Variants in RAP1GAP2 observed in about 807,000 individuals in gnomAD.
RAP1GAP2 encodes RAP1 GTPase activating protein 2, also known as rap1 GTPase-activating protein 2.
RAP1GAP2 carries 27 observed loss-of-function variants against 95.0 expected under a neutral mutation model. That is an observed-to-expected ratio of 0.28 (90% CI 0.21 to 0.39). The LOEUF is 0.39. RAP1GAP2 is among the 10% of genes least tolerant of loss of function. The pLI is 1.00. For missense variants in RAP1GAP2, 771 were observed against 970.0 expected (o/e 0.79, Z 2.72); for synonymous variants, 373 against 380.9 (o/e 0.98, Z 0.24).
chr17:2,869,722 C>A (rs565715342), intron 2 of RAP1GAP2, among the ~76,000 whole-genome samples: 1 of 152,314 alleles, frequency 6.6e-6, no homozygotes, highest in South Asian at 2.1e-4. Flanking sequence ...GGTCAGGTCC[C>A]GGGAGCAGGT....
intron 17 of RAP1GAP2, among the ~76,000 whole-genome samples, chr17:3,012,733 A>G (rs1426316512): frequency 6.6e-6 from 1 of 151,536 alleles, no homozygotes; most frequent in East Asian, 1.9e-4. Flanking sequence ...CCATGGGGCC[A>G]CTGGGGTTGG....
chr17:2,882,149 T>C (rs1352806819), intron 2 of RAP1GAP2, among the ~76,000 whole-genome samples: 6 of 143,926 alleles, frequency 4.2e-5, no homozygotes, highest in African/African-American at 1.6e-4. Context: ...AATTTTGAGA[T>C]GTAGTCTCAC....
At chr17:2,868,912 T>G (rs560656393) in intron 2 of RAP1GAP2, among the ~76,000 whole-genome samples, 14 of 152,104 alleles carry the variant, frequency 9.2e-5, no homozygotes, top group Non-Finnish European at 1.5e-4. Context: ...AACATTTACT[T>G]CTCCCACTTC....
chr17:2,924,983 C>T (rs919328048), intron 3 of RAP1GAP2, among the ~76,000 whole-genome samples: 1 of 152,166 alleles, frequency 6.6e-6, no homozygotes, highest in African/African-American at 2.4e-5. Flanking sequence ...GGTGAGATCC[C>T]CAATGGTGCC....
rs1567659421 is a variant in RAP1GAP2, at chr17:2,800,605, CG to C, written c.80+58del. 2.5e-6 allele frequency: 4 copies of C among 1,569,374 alleles called. No individual in the cohort carries two copies. The East Asian group carries it at 9.2e-5, about 36-fold the overall frequency. ...TCAGAGATGACGCGGATCAGAGCGCCGGGCCCTTGCTCCCCCCAGGTTGTGG... is the reference window on the plus strand; with the variant it reads ...TCAGAGATGACGCGGATCAGAGCGCCGGCCCTTGCTCCCCCCAGGTTGTGG... On this transcript the variant is annotated intron_variant, in intron 2 of 24. Transcript: ENST00000254695.
intron 3 of RAP1GAP2, among the ~76,000 whole-genome samples, chr17:2,944,468 G>T (rs1269794744): frequency 1.3e-5 from 2 of 152,094 alleles, no homozygotes; most frequent in Non-Finnish European, 2.9e-5. Flanking sequence ...TTTATCTCTG[G>T]ACTCTTAATT....
rs541599439 is a variant in RAP1GAP2 at position 2,941,177 on chromosome 17, G to T, written c.166-16582G>T. 5.3e-3 allele frequency among the ~76,000 whole-genome samples: 803 copies of T among 152,306 alleles called. 3 individuals carry two copies. Among genetic ancestry groups the T allele is most frequent in the Middle Eastern group, 0.01 (3 of 294 alleles). ...AGCACTTTGGGAGGCCGAAGCGGGT[G>T]GATCACTTGAGGTCAGGAGTCTGAG... is the stretch of plus-strand genomic sequence containing the variant. On this transcript the variant is annotated intron_variant, in intron 3 of 24. Coordinates refer to ENST00000254695, the MANE Select transcript of RAP1GAP2 (RefSeq NM_015085.5).
At chr17:2,949,873 C>T (rs997149032) in intron 3 of RAP1GAP2, among the ~76,000 whole-genome samples, 18 of 152,154 alleles carry the variant, frequency 1.2e-4, no homozygotes, top group African/African-American at 2.9e-4. Context: ...GAAGTGGGGC[C>T]GGCCCAGCCA....
chr17:2,916,025 G>A (rs1360258281), intron 3 of RAP1GAP2, among the ~76,000 whole-genome samples: 3 of 152,098 alleles, frequency 2.0e-5, no homozygotes, highest in African/African-American at 7.2e-5. Context: ...TTAGCTCTAG[G>A]TCTAGGATAA....
chr17:3,006,126 T>C, intron 16 of RAP1GAP2, 85 bp downstream of exon 16: 1 of 918,028 alleles, frequency 1.1e-6, no homozygotes, highest in Non-Finnish European at 1.6e-6. Context: ...CCATCTTTTT[T>C]TTTTTTTTTT....
chr17:2,946,657 A>C (rs1463256560), intron 3 of RAP1GAP2, among the ~76,000 whole-genome samples: 2 of 152,228 alleles, frequency 1.3e-5, no homozygotes, highest in Non-Finnish European at 2.9e-5. Flanking sequence ...GCAGCATTCA[A>C]CATGATGAAC....
chr17:2,874,360 C>T (rs1362729123), intron 2 of RAP1GAP2, among the ~76,000 whole-genome samples: 1 of 152,090 alleles, frequency 6.6e-6, no homozygotes, highest in Non-Finnish European at 1.5e-5. Flanking sequence ...ATTCATAGCT[C>T]TTATCTAGGG....
chr17:2,969,496 C>CTTGTTTTTTTTTTTTTT (rs2044762647), intron 8 of RAP1GAP2, among the ~76,000 whole-genome samples: 1 of 83,776 alleles, frequency 1.2e-5, no homozygotes, highest in African/African-American at 4.6e-5. Flanking sequence ...TATATATATT[C>CTTGTTTTTTTTTTTTTT]TTTTTTTTTT....
upstream of RAP1GAP2, among the ~76,000 whole-genome samples, chr17:2,794,400 T>A (rs559607507): frequency 5.1e-4 from 78 of 152,270 alleles, no homozygotes; most frequent in South Asian, 2.1e-3. Context: ...CCACGGTACC[T>A]GTTGAGCACT....
intron 2 of RAP1GAP2, among the ~76,000 whole-genome samples, chr17:2,887,597 A>T (rs1299128578): frequency 2.0e-5 from 3 of 149,912 alleles, no homozygotes; most frequent in Non-Finnish European, 4.4e-5. Context: ...CTGGTCTCGA[A>T]CTCCTGACCT....
chr17:2,785,970 C>T (rs9944498), intron 1 of RAP1GAP2, among the ~76,000 whole-genome samples: 1,639 of 145,708 alleles, frequency 0.011, 26 homozygotes, highest in African/African-American at 0.039. Context: ...GGTCAGATCT[C>T]GGCTCACCGC....
chr17:2,985,185 G>A (rs2045511298), intron 11 of RAP1GAP2, 119 bp downstream of exon 11: 7 of 1,513,296 alleles, frequency 4.6e-6, no homozygotes, highest in East Asian at 2.3e-5. Flanking sequence ...GGAATACAAC[G>A]GTCACATTTA....
intron 2 of RAP1GAP2, among the ~76,000 whole-genome samples, chr17:2,840,557 C>G (rs774126448): frequency 1.3e-5 from 2 of 152,120 alleles, no homozygotes; most frequent in African/African-American, 2.4e-5. Context: ...CTATGTTTCC[C>G]AGGCTGGGCT....
intron 2 of RAP1GAP2, chr17:2,854,195 G>T: frequency 2.1e-6 from 2 of 967,494 alleles, no homozygotes; most frequent in Non-Finnish European, 1.2e-6. Context: ...GTTTGGTTCC[G>T]TGTTGGTTAG....
Sources: allele counts gnomAD v4.1 joint callset (sites outside exome capture counted in the v4.1 genomes callset), GRCh38; gene constraint gnomAD v4.1.1; transcripts MANE v1.5; gene names NCBI Gene and HGNC (gene_info 2026-07-23, HGNC 2026-07-21).